Variants in CACNB4 observed in about 807,000 individuals in gnomAD.
CACNB4 encodes calcium voltage-gated channel auxiliary subunit beta 4, also known as voltage-dependent L-type calcium channel subunit beta-4.
In CACNB4, 32 loss-of-function variants were observed where a neutral mutation model predicts 71.2. The observed-to-expected ratio is 0.45, with a 90% CI of 0.34 to 0.60. The LOEUF (loss-of-function observed/expected upper bound fraction) is 0.60, where lower values mean the gene tolerates loss of function less well. CACNB4 is among the 20% of genes least tolerant of loss of function. The pLI is 0.01. For synonymous variants in CACNB4, 231 were observed against 236.9 expected, an observed-to-expected ratio of 0.97 and a Z score of 0.23; for missense variants, 464 against 647.9, an observed-to-expected ratio of 0.72 and a Z score of 3.08.
intron 2 of CACNB4, among the ~76,000 whole-genome samples, chr2:151,894,949 G>A (rs1371396571): frequency 6.6e-6 from 1 of 151,970 alleles, no homozygotes; most frequent in African/African-American, 2.4e-5. Flanking sequence ...CACGTTCATG[G>A]ATCAGAAGAA....
intron 2 of CACNB4, among the ~76,000 whole-genome samples, chr2:151,914,819 G>A (rs1479277311): frequency 6.6e-6 from 1 of 152,194 alleles, no homozygotes; most frequent in Non-Finnish European, 1.5e-5. Context: ...TGTCACTCAA[G>A]GAGGCTGGAG....
At chr2:151,948,998 T>G (rs1046080870) in intron 2 of CACNB4, among the ~76,000 whole-genome samples, 3 of 151,994 alleles carry the variant, frequency 2.0e-5, no homozygotes, top group Non-Finnish European at 2.9e-5. Flanking sequence ...TTCATTCCCC[T>G]ACCTCTTTCT....
Position 151,966,134 on chromosome 2 carries a change from A to T in CACNB4, c.148-82764T>A, listed in dbSNP as rs112580467. On this transcript the variant is annotated intron_variant, in intron 2 of 13. Transcript: ENST00000539935. ...GCATGTGAAGAAACCTTAGAAAATG[A>T]TCTACTCAAATGTCTTCATTTTATA... is the stretch of plus-strand genomic sequence containing the variant. Among the ~76,000 whole-genome samples, 666 of 152,352 alleles carry T rather than the reference A, an allele frequency of 4.4e-3. 3 individuals are homozygous for T. Among genetic ancestry groups the T allele is most frequent in the Middle Eastern group, 0.02 (6 of 294 alleles).
chr2:151,946,311 AAGAGTAAAAC>A (rs1342906729), intron 2 of CACNB4, among the ~76,000 whole-genome samples: 1 of 151,004 alleles, frequency 6.6e-6, no homozygotes, highest in Non-Finnish European at 1.5e-5. Flanking sequence ...CCCGGGCAAC[AAGAGTAAAAC>A]TCTGTCGCAA....
chr2:151,945,126 G>A lies in CACNB4; in HGVS notation c.148-61756C>T, dbSNP rs545160523. Among the ~76,000 whole-genome samples the A allele has an allele frequency of 3.7e-4, 56 of 152,192 alleles. 1 individual carries two copies. In the South Asian group the frequency reaches 0.011, roughly 29 times the overall value. On this transcript the variant is annotated intron_variant, in intron 2 of 13. Coordinates refer to ENST00000539935, the MANE Select transcript of CACNB4 (RefSeq NM_000726.5). ...GTCCCAATAAGTGACTGAGACACTC[G>A]GTGTCTCAATGTATTTGTTTGTTAA...
In CACNB4 at chr2:152,098,807, G is replaced by C. The variant is rs1688432287; in HGVS notation, c.63+142C>G. 2.9e-6 allele frequency: 3 copies of C among 1,039,874 alleles called. No homozygotes were observed. The highest frequency in any genetic ancestry group is 3.2e-5 in the South Asian group (2 of 61,702). The allele number at this position is 1,039,874 out of a possible 1,614,324, so 64.4% of individuals were successfully genotyped here. A position where few individuals can be genotyped will look rare whatever the true frequency, so the allele number is the denominator to read the frequency against. ...GAGCGGGAGGAGAAAGGGACGTGGAGGAGGGGTGGGGGGAGCGGGGCCGCC... is the reference window on the plus strand; with the variant it reads ...GAGCGGGAGGAGAAAGGGACGTGGACGAGGGGTGGGGGGAGCGGGGCCGCC... On this transcript the variant is annotated intron_variant, in intron 1 of 13. Coordinates refer to ENST00000539935, the MANE Select transcript of CACNB4 (RefSeq NM_000726.5). This position sits in a 1 kb window ranked among gnomAD's most constrained non-coding sequence, Gnocchi z 5.3.
intron 2 of CACNB4, among the ~76,000 whole-genome samples, chr2:152,057,866 C>A (rs1177865423): frequency 6.6e-6 from 1 of 152,142 alleles, no homozygotes; most frequent in African/African-American, 2.4e-5. Flanking sequence ...ATACAACTTA[C>A]CATGATGTTT....
At chr2:152,039,570 T>C (rs978294479) in intron 2 of CACNB4, among the ~76,000 whole-genome samples, 12 of 152,348 alleles carry the variant, frequency 7.9e-5, no homozygotes, top group Admixed American at 7.2e-4. Context: ...ATAGGTTTTA[T>C]CTTACATTTC....
intron 2 of CACNB4, among the ~76,000 whole-genome samples, chr2:152,080,735 A>G (rs1687318411): frequency 6.6e-6 from 1 of 152,028 alleles, no homozygotes; most frequent in Non-Finnish European, 1.5e-5. Context: ...GTGATCCCCA[A>G]TGTTAGAGGC....
At chr2:151,848,086 G>A (rs1262465705) in intron 12 of CACNB4, among the ~76,000 whole-genome samples, 5 of 152,066 alleles carry the variant, frequency 3.3e-5, no homozygotes, top group African/African-American at 1.2e-4. Context: ...CTGTCCATTC[G>A]TATTCTTCAA....
intron 2 of CACNB4, among the ~76,000 whole-genome samples, chr2:151,929,950 TATAATC>T (rs1200445392): frequency 6.6e-6 from 1 of 152,114 alleles, no homozygotes. Context: ...TTAAATTTAA[TATAATC>T]ATAATCAAAA....
intron 2 of CACNB4, among the ~76,000 whole-genome samples, chr2:152,034,272 A>G (rs1684437666): frequency 6.6e-6 from 1 of 152,212 alleles, no homozygotes; most frequent in African/African-American, 2.4e-5. Context: ...GGTCTTAAAA[A>G]TACTTCTATG....
chr2:152,089,330 G>T (rs1687841445), intron 2 of CACNB4, among the ~76,000 whole-genome samples: 1 of 152,202 alleles, frequency 6.6e-6, no homozygotes. Flanking sequence ...TGTATTCTAA[G>T]ATGCAGAGGT....
At chr2:152,092,611 AACTT>A (rs1688036123) in intron 2 of CACNB4, among the ~76,000 whole-genome samples, 3 of 152,000 alleles carry the variant, frequency 2.0e-5, no homozygotes, top group South Asian at 4.1e-4. Flanking sequence ...ATTATTCTGT[AACTT>A]ACTTTTTTCA....
At chr2:151,859,094 C>A (rs1226639563) in intron 10 of CACNB4, 1 of 152,208 alleles carries the variant, frequency 6.6e-6, no homozygotes, top group Non-Finnish European at 1.5e-5. Context: ...AACAAGCACA[C>A]AAATGGATCA....
At chr2:151,916,047 C>G (rs1421562062) in intron 2 of CACNB4, among the ~76,000 whole-genome samples, 1 of 128,522 alleles carries the variant, frequency 7.8e-6, no homozygotes, top group African/African-American at 2.5e-5. Context: ...CTACACTGTT[C>G]TTCCTTCTCT....
chr2:151,875,959 G>C (rs1353599102), intron 5 of CACNB4, among the ~76,000 whole-genome samples: 1 of 119,424 alleles, frequency 8.4e-6, no homozygotes, highest in African/African-American at 3.1e-5. Context: ...CGGGGCGGCT[G>C]GCCGGGCGGG....
intron 12 of CACNB4, among the ~76,000 whole-genome samples, chr2:151,848,529 A>G (rs1578445157): frequency 1.3e-5 from 2 of 152,350 alleles, no homozygotes; most frequent in East Asian, 3.9e-4. Context: ...ACTGGGCACT[A>G]TCATTCGCTC....
chr2:152,058,603 T>C (rs1299694920), intron 2 of CACNB4, among the ~76,000 whole-genome samples: 1 of 152,162 alleles, frequency 6.6e-6, no homozygotes, highest in African/African-American at 2.4e-5. Context: ...AGAGAGATAA[T>C]CTGAAATTGG....
Sources: allele counts gnomAD v4.1 joint callset (sites outside exome capture counted in the v4.1 genomes callset), GRCh38; gene constraint gnomAD v4.1.1; non-coding constraint Gnocchi (gnomAD v3.1); transcripts MANE v1.5; gene names NCBI Gene and HGNC (gene_info 2026-07-23, HGNC 2026-07-21).